RBFOX1: variants seen among roughly 807,000 people sequenced by gnomAD.
RBFOX1 encodes the protein RNA binding protein fox-1 homolog 1.
Under a neutral mutation model 57.7 loss-of-function variants are expected in RBFOX1, and 8 were observed. The observed-to-expected ratio is 0.14, with a 90% CI of 0.08 to 0.25. The LOEUF (loss-of-function observed/expected upper bound fraction) is 0.25, where lower values mean the gene tolerates loss of function less well. Ranked by LOEUF, RBFOX1 falls within the 10% of genes least tolerant of loss-of-function variation. The pLI is 1.00. For missense variants in RBFOX1, 611 were observed against 548.5 expected (o/e 1.11, Z -1.14); for synonymous variants, 326 against 222.4 (o/e 1.47, Z -4.15).
At chr16:6,107,068 T>A (rs1386763385) in intron 1 of RBFOX1, among the ~76,000 whole-genome samples, 24 of 152,190 alleles carry the variant, frequency 1.6e-4, no homozygotes, top group Admixed American at 1.6e-3. Flanking sequence ...AGAGAAGACC[T>A]CTTTTACCTG....
chr16:6,324,115 T>G (rs998302308), intron 2 of RBFOX1, among the ~76,000 whole-genome samples: 1 of 152,140 alleles, frequency 6.6e-6, no homozygotes, highest in Non-Finnish European at 1.5e-5. Flanking sequence ...ATAGTATTCA[T>G]TAAGTAATTT....
intron 10 of RBFOX1, among the ~76,000 whole-genome samples, chr16:7,627,068 A>T (rs1475972061): frequency 2.6e-5 from 4 of 151,830 alleles, no homozygotes; most frequent in Admixed American, 1.3e-4. Context: ...GACAAGGGAG[A>T]GAAGAGGTCA....
intron 4 of RBFOX1, among the ~76,000 whole-genome samples, chr16:5,962,438 C>G (rs112857048): frequency 2.0e-3 from 306 of 152,270 alleles, no homozygotes; most frequent in African/African-American, 6.9e-3. Context: ...CCATTTTCTG[C>G]TAAAAAATGC....
intron 1 of RBFOX1, among the ~76,000 whole-genome samples, chr16:6,074,517 A>G (rs2095873226): frequency 6.6e-6 from 1 of 152,224 alleles, no homozygotes; most frequent in Non-Finnish European, 1.5e-5. Context: ...GGAACCAAAT[A>G]TCTATGATGC....
intron 2 of RBFOX1, among the ~76,000 whole-genome samples, chr16:5,516,746 T>C (rs1185992234): frequency 6.6e-6 from 1 of 152,008 alleles, no homozygotes; most frequent in Non-Finnish European, 1.5e-5. Flanking sequence ...GTTCTCGAGA[T>C]AGTGAGTTCT....
intron 1 of RBFOX1, among the ~76,000 whole-genome samples, chr16:5,296,289 C>T (rs373645202): frequency 4.6e-5 from 7 of 152,298 alleles, no homozygotes; most frequent in South Asian, 4.1e-4. Flanking sequence ...TTCGGGTGGC[C>T]TCTCATGACT....
rs142615363 is a variant in RBFOX1, at chr16:7,014,264, G to T, written c.-15-37793G>T. On this transcript the variant is annotated intron_variant, in intron 3 of 15. Transcript: ENST00000550418. ...CTCGCTCTGTCGCCCAGGCTGGAGT[G>T]TGCAGTGGCATGATTTTGGCTCACT... 2.8e-3 allele frequency among the ~76,000 whole-genome samples: 432 copies of T among 152,138 alleles called. 1 individual carries two copies. The highest frequency in any genetic ancestry group is 4.4e-3 in the South Asian group (21 of 4,810).
intron 4 of RBFOX1, among the ~76,000 whole-genome samples, chr16:7,086,423 G>C (rs996613669): frequency 2.6e-5 from 4 of 151,870 alleles, no homozygotes; most frequent in African/African-American, 9.7e-5. Flanking sequence ...ATCAATAATT[G>C]AACACTGCAT....
intron 3 of RBFOX1, among the ~76,000 whole-genome samples, chr16:5,750,135 A>G (rs989938773): frequency 6.6e-6 from 1 of 152,210 alleles, no homozygotes; most frequent in African/African-American, 2.4e-5. Context: ...GGTCCATTCC[A>G]GACCCTGTTT....
intron 4 of RBFOX1, among the ~76,000 whole-genome samples, chr16:7,249,242 C>G (rs904308591): frequency 1.3e-5 from 2 of 152,154 alleles, no homozygotes; most frequent in African/African-American, 2.4e-5. Context: ...CCATTCCCCT[C>G]TTTTTTCCCT....
chr16:7,518,549 T>TGGTAAA (rs1354813298), intron 5 of RBFOX1, among the ~76,000 whole-genome samples, 160 bp downstream of exon 5: 1 of 152,226 alleles, frequency 6.6e-6, no homozygotes, highest in East Asian at 1.9e-4. Flanking sequence ...TTTACCTCAT[T>TGGTAAA]TCCATGCATT....
At chr16:7,243,736 G>T (rs1332672140) in intron 4 of RBFOX1, among the ~76,000 whole-genome samples, 1 of 152,010 alleles carries the variant, frequency 6.6e-6, no homozygotes, top group Admixed American at 6.6e-5. Flanking sequence ...TTTTGGTGGA[G>T]ACAGGGTTTC....
intron 2 of RBFOX1, among the ~76,000 whole-genome samples, chr16:6,342,425 A>G (rs180970276): frequency 3.3e-5 from 5 of 152,158 alleles, no homozygotes; most frequent in African/African-American, 1.2e-4. Context: ...AATGAATACA[A>G]AACGTCAAGG....
chr16:5,895,948 G>C (rs972169894), intron 4 of RBFOX1, among the ~76,000 whole-genome samples: 4 of 152,160 alleles, frequency 2.6e-5, no homozygotes, highest in Non-Finnish European at 4.4e-5. Flanking sequence ...CTGTATTCCT[G>C]AGCTTTCCAG....
chr16:5,407,592 A>G (rs955499040), intron 1 of RBFOX1, among the ~76,000 whole-genome samples: 1 of 152,054 alleles, frequency 6.6e-6, no homozygotes, highest in Non-Finnish European at 1.5e-5. Context: ...TCTGTCACCC[A>G]GGCTGGAGTG....
chr16:7,129,231 A>G (rs1230942528), intron 4 of RBFOX1, among the ~76,000 whole-genome samples: 2 of 152,078 alleles, frequency 1.3e-5, no homozygotes, highest in African/African-American at 4.8e-5. Flanking sequence ...TATAGTTTTT[A>G]TTGATTCGGC....
At chr16:6,926,561 C>A (rs536236827) in intron 3 of RBFOX1, among the ~76,000 whole-genome samples, 2 of 152,276 alleles carry the variant, frequency 1.3e-5, no homozygotes, top group African/African-American at 4.8e-5. Flanking sequence ...GGGAGAAATC[C>A]TGCAGGCTCT....
At chr16:5,521,921 G>A (rs1413911229) in intron 2 of RBFOX1, among the ~76,000 whole-genome samples, 1 of 152,188 alleles carries the variant, frequency 6.6e-6, no homozygotes, top group Non-Finnish European at 1.5e-5. Context: ...ATGGAGATGG[G>A]GATGCCCTGG....
chr16:6,872,510 A>G (rs1044708297), intron 3 of RBFOX1, among the ~76,000 whole-genome samples: 8 of 152,208 alleles, frequency 5.3e-5, no homozygotes, highest in Non-Finnish European at 1.2e-4. Flanking sequence ...TGAATTCCCT[A>G]TGATTTTCTT....
Sources: allele counts gnomAD v4.1 joint callset (sites outside exome capture counted in the v4.1 genomes callset), GRCh38; gene constraint gnomAD v4.1.1; transcripts MANE v1.5; gene names NCBI Gene and HGNC (gene_info 2026-07-23, HGNC 2026-07-21).